The following SORBS2 variants were observed in gnomAD, a reference collection of about 807,000 sequenced individuals.
The protein encoded by SORBS2 is sorbin and SH3 domain-containing protein 2.
A neutral mutation model predicts 97.7 loss-of-function variants in SORBS2; 46 were observed. The ratio of observed to expected loss-of-function variants is 0.47; its 90% CI spans 0.37 to 0.60. The LOEUF is 0.60. Ranked by LOEUF, SORBS2 falls within the 20% of genes least tolerant of loss-of-function variation. SORBS2 has a pLI of 0.00. For missense variants in SORBS2, 1,316 were observed against 1,282.3 expected, an observed-to-expected ratio of 1.03 and a Z score of -0.40; for synonymous variants, 476 against 473.4, an observed-to-expected ratio of 1.01 and a Z score of -0.07.
chr4:185,759,801 A>AT (rs2098858251), intron 2 of SORBS2, among the ~76,000 whole-genome samples: 1 of 152,168 alleles, frequency 6.6e-6, no homozygotes, highest in Non-Finnish European at 1.5e-5. Flanking sequence ...CTTAGTTATA[A>AT]TTCTGTTAGT....
At chr4:185,769,885 T>G (rs12649994) in intron 2 of SORBS2, among the ~76,000 whole-genome samples, 27,930 of 152,156 alleles carry the variant, frequency 0.18, 2,748 homozygotes, top group Middle Eastern at 0.27. Context: ...AAAAGACCGT[T>G]TTCCTTTCTC....
rs2096459521 is a variant in SORBS2, at chr4:185,607,830, G to A, written c.2796+3950C>T. ...CTGCTTCATCCTCCCGAGTAGCTGG[G>A]ACTACAGGCGCATGTCACCAGTACA... On this transcript the variant is annotated intron_variant, in intron 12 of 14. Coordinates refer to ENST00000418609, the Ensembl canonical transcript of SORBS2. The surrounding 1 kb of genome is among the most constrained non-coding windows in gnomAD (Gnocchi z 5.2). Among the ~76,000 whole-genome samples, 1 of 151,912 alleles carries A rather than the reference G, an allele frequency of 6.6e-6. No individual in the cohort carries two copies. Among genetic ancestry groups the A allele is most frequent in the African/African-American group, 2.4e-5 (1 of 41,312 alleles).
chr4:185,931,065 T>C (rs2149965091), intron 1 of SORBS2, among the ~76,000 whole-genome samples: 1 of 152,328 alleles, frequency 6.6e-6, no homozygotes, highest in Non-Finnish European at 1.5e-5. Context: ...CTTTTTATGG[T>C]ATAATTATAA....
At chr4:185,630,813 T>G (rs532847806) in intron 4 of SORBS2, among the ~76,000 whole-genome samples, 1 of 152,226 alleles carries the variant, frequency 6.6e-6, no homozygotes, top group Non-Finnish European at 1.5e-5. Context: ...TATAATGCAT[T>G]GCAGTTCTCT....
intron 1 of SORBS2, among the ~76,000 whole-genome samples, chr4:185,826,610 T>C (rs2099199965): frequency 6.6e-6 from 1 of 152,176 alleles, no homozygotes. Flanking sequence ...ACCATCAATA[T>C]ATACTGTTTT....
At chr4:185,944,090 A>T (rs930717703) in intron 1 of SORBS2, among the ~76,000 whole-genome samples, 1 of 152,248 alleles carries the variant, frequency 6.6e-6, no homozygotes, top group Non-Finnish European at 1.5e-5. Context: ...TGCACTCCTT[A>T]TTAGGAAACT....
At chr4:185,941,927 C>T (rs2099272188) in intron 1 of SORBS2, among the ~76,000 whole-genome samples, 1 of 152,028 alleles carries the variant, frequency 6.6e-6, no homozygotes, top group African/African-American at 2.4e-5. Context: ...ACCAGCCTGG[C>T]CAATGTGGTG....
At chr4:185,887,072 A>G (rs1044237283) in intron 1 of SORBS2, among the ~76,000 whole-genome samples, 1 of 152,190 alleles carries the variant, frequency 6.6e-6, no homozygotes, top group Non-Finnish European at 1.5e-5. Flanking sequence ...GAGTTGCACA[A>G]ACAGCCTGGG....
intron 2 of SORBS2, among the ~76,000 whole-genome samples, chr4:185,764,027 G>T (rs1030536522): frequency 1.3e-5 from 2 of 152,168 alleles, no homozygotes; most frequent in African/African-American, 4.8e-5. Context: ...AAAGCTGTGT[G>T]TATATAAGCT....
intron 11 of SORBS2, 117 bp downstream of exon 23, chr4:185,614,714 C>A: frequency 7.8e-7 from 1 of 1,284,008 alleles, no homozygotes; most frequent in Non-Finnish European, 1.1e-6. Context: ...ATAGGGTAAA[C>A]ATAAAAATGT....
intron 1 of SORBS2, among the ~76,000 whole-genome samples, chr4:185,875,497 T>C (rs2099233037): frequency 6.6e-6 from 1 of 152,260 alleles, no homozygotes; most frequent in South Asian, 2.1e-4. Flanking sequence ...TGAGTCTGCA[T>C]AGGAAGTATG....
chr4:185,809,948 T>G (rs986689895), intron 1 of SORBS2, among the ~76,000 whole-genome samples: 1 of 152,228 alleles, frequency 6.6e-6, no homozygotes, highest in Admixed American at 6.5e-5. Context: ...AGAAATCCTT[T>G]GGCAGTGTAA....
intron 2 of SORBS2, among the ~76,000 whole-genome samples, chr4:185,727,164 A>C (rs1468599184): frequency 6.6e-6 from 1 of 152,228 alleles, no homozygotes; most frequent in Non-Finnish European, 1.5e-5. Context: ...CATGGCTACT[A>C]AACGAGTCAT....
intron 1 of SORBS2, among the ~76,000 whole-genome samples, chr4:185,946,258 G>T (rs1181190916): frequency 6.6e-6 from 1 of 152,116 alleles, no homozygotes; most frequent in Non-Finnish European, 1.5e-5. Context: ...GTGTGTTTTC[G>T]AAAGTCAACT....
intron 4 of SORBS2, 39 bp from the exon 17 acceptor site, chr4:185,630,637 C>T (rs767699529): frequency 7.9e-5 from 107 of 1,353,944 alleles, no homozygotes; most frequent in Middle Eastern, 7.6e-4. Context: ...AAAATTTTAC[C>T]GTGGCAAAAT....
chr4:185,949,991 C>T (rs11132370), intron 1 of SORBS2, among the ~76,000 whole-genome samples: 32,641 of 152,068 alleles, frequency 0.21, 4,109 homozygotes, highest in East Asian at 0.59. Flanking sequence ...CAGTGGCTCA[C>T]GGCCATAATC....
intron 2 of SORBS2, among the ~76,000 whole-genome samples, chr4:185,730,310 C>CTT (rs67749971): frequency 1.5e-4 from 19 of 125,274 alleles, no homozygotes; most frequent in African/African-American, 5.5e-4. Context: ...AATATACTTT[C>CTT]TTTTTTTTTT....
intron 1 of SORBS2, among the ~76,000 whole-genome samples, chr4:185,908,294 T>TATATATATATTTTTATACACACAA (rs1554049916): frequency 1.3e-5 from 1 of 75,686 alleles, no homozygotes; most frequent in Non-Finnish European, 2.6e-5. Context: ...TATATATATA[T>TATATATATATTTTTATACACACAA]ATATATATAT....
chr4:185,893,300 G>C (rs969810719), intron 1 of SORBS2, among the ~76,000 whole-genome samples: 2 of 152,228 alleles, frequency 1.3e-5, no homozygotes, highest in Admixed American at 1.3e-4. Flanking sequence ...CTGCGAGTGT[G>C]AGCCTGGGGT....
Sources: gnomAD v4.1 joint callset for allele counts (sites outside exome capture counted in the v4.1 genomes callset) on GRCh38, gnomAD v4.1.1 for gene constraint, Gnocchi (gnomAD v3.1) non-coding constraint, MANE v1.5 for transcripts, NCBI Gene and HGNC (gene_info 2026-07-23, HGNC 2026-07-21) for gene names.